The following TMEM232 variants were observed in gnomAD, a reference collection of about 807,000 sequenced individuals.
The protein encoded by TMEM232 is transmembrane protein 232.
Under a neutral mutation model 78.8 loss-of-function variants are expected in TMEM232, and 80 were observed. The observed-to-expected ratio is 1.01, with a 90% CI of 0.85 to 1.22. TMEM232 has a LOEUF of 1.22. Ranked by LOEUF, TMEM232 falls within the 50% of genes most tolerant of loss-of-function variation. TMEM232 has a pLI of 0.00. For missense variants in TMEM232, 881 were observed against 742.2 expected (o/e 1.19, Z -2.17); for synonymous variants, 297 against 254.3 (o/e 1.17, Z -1.60).
At chr5:110,723,424 A>G (rs540914005) in intron 1 of TMEM232, among the ~76,000 whole-genome samples, 258 of 152,296 alleles carry the variant, frequency 1.7e-3, no homozygotes, top group African/African-American at 5.8e-3. Context: ...AATATAATAA[A>G]TCATGGCTAC....
intron 12 of TMEM232, among the ~76,000 whole-genome samples, chr5:110,433,401 A>T (rs1758072126): frequency 6.6e-6 from 1 of 151,778 alleles, no homozygotes; most frequent in South Asian, 2.1e-4. Context: ...ATGAAATCAA[A>T]GTAGAAATAA....
intron 10 of TMEM232, among the ~76,000 whole-genome samples, chr5:110,581,485 C>A (rs1357082406): frequency 1.3e-5 from 2 of 151,830 alleles, no homozygotes; most frequent in Admixed American, 1.3e-4. Flanking sequence ...GAAACTGGGA[C>A]CCCTTCCTTA....
intron 12 of TMEM232, among the ~76,000 whole-genome samples, chr5:110,490,191 A>AAGAG (rs1218732258): frequency 6.7e-6 from 1 of 149,208 alleles, no homozygotes; most frequent in East Asian, 2.0e-4. Flanking sequence ...GAAAGAAAGA[A>AAGAG]AAAGTTAATT....
At chr5:110,426,001 T>C (rs534244989) in intron 12 of TMEM232, among the ~76,000 whole-genome samples, 2 of 152,196 alleles carry the variant, frequency 1.3e-5, no homozygotes, top group Non-Finnish European at 2.9e-5. Context: ...TTTCTTTCCT[T>C]TGCTTGCTTG....
intron 2 of TMEM232, among the ~76,000 whole-genome samples, chr5:110,398,839 A>G (rs1755487671): frequency 6.6e-6 from 1 of 152,136 alleles, no homozygotes; most frequent in Non-Finnish European, 1.5e-5. Context: ...CAAGAATATA[A>G]GCTATCTACT....
chr5:110,635,037 T>A (rs1027262548), intron 5 of TMEM232, among the ~76,000 whole-genome samples: 2 of 151,820 alleles, frequency 1.3e-5, no homozygotes, highest in Non-Finnish European at 2.9e-5. Context: ...GTACAAAAGA[T>A]CATCAGAGAC....
chr5:110,584,799 C>T (rs532420909), intron 10 of TMEM232, among the ~76,000 whole-genome samples: 7 of 152,132 alleles, frequency 4.6e-5, no homozygotes, highest in African/African-American at 1.7e-4. Flanking sequence ...AAGAAATTTA[C>T]AAGCACTTAG....
intron 2 of TMEM232, among the ~76,000 whole-genome samples, chr5:110,650,512 T>C (rs1788158644): frequency 6.6e-6 from 1 of 152,156 alleles, no homozygotes; most frequent in Non-Finnish European, 1.5e-5. Context: ...TGATTGTATG[T>C]ACCCCTGATG....
At chr5:110,453,198 C>T (rs780016823) in intron 12 of TMEM232, among the ~76,000 whole-genome samples, 30 of 152,162 alleles carry the variant, frequency 2.0e-4, no homozygotes, top group African/African-American at 2.7e-4. Context: ...CACAATTACT[C>T]GTTCCCTGTA....
chr5:110,692,795 T>C (rs1158986856), intron 1 of TMEM232, among the ~76,000 whole-genome samples: 2 of 152,098 alleles, frequency 1.3e-5, no homozygotes, highest in African/African-American at 4.8e-5. Flanking sequence ...GTAAACAAAG[T>C]GGCCAAGAAG....
At chr5:110,423,958 T>C (rs1756963209) in intron 13 of TMEM232, among the ~76,000 whole-genome samples, 1 of 152,176 alleles carries the variant, frequency 6.6e-6, no homozygotes, top group Non-Finnish European at 1.5e-5. Context: ...TATATTGGTT[T>C]AACAAAAACT....
intron 12 of TMEM232, among the ~76,000 whole-genome samples, chr5:110,465,341 A>G (rs1761960738): frequency 6.6e-6 from 1 of 152,130 alleles, no homozygotes; most frequent in Admixed American, 6.5e-5. Flanking sequence ...CATTCCATCA[A>G]TGTCATCTCT....
intron 5 of TMEM232, among the ~76,000 whole-genome samples, chr5:110,635,292 T>A (rs1785643433): frequency 1.3e-5 from 2 of 151,826 alleles, no homozygotes; most frequent in African/African-American, 4.8e-5. Flanking sequence ...CTCAAACTAT[T>A]CCCAAAAGTA....
intron 12 of TMEM232, among the ~76,000 whole-genome samples, chr5:110,521,167 C>A (rs975137196): frequency 6.6e-6 from 1 of 152,184 alleles, no homozygotes; most frequent in African/African-American, 2.4e-5. Flanking sequence ...CTTCAGGTGA[C>A]CTCTCATCCC....
intron 1 of TMEM232, among the ~76,000 whole-genome samples, chr5:110,712,214 A>G (rs887495526): frequency 1.3e-5 from 2 of 151,998 alleles, no homozygotes; most frequent in Non-Finnish European, 2.9e-5. Context: ...GTAATACCCC[A>G]TGAACACAGG....
At chr5:110,436,383 A>C (rs1297183080) in intron 12 of TMEM232, among the ~76,000 whole-genome samples, 1 of 151,830 alleles carries the variant, frequency 6.6e-6, no homozygotes, top group African/African-American at 2.4e-5. Flanking sequence ...TAGTTTGCAA[A>C]TATTTTTTCT....
intron 11 of TMEM232, among the ~76,000 whole-genome samples, chr5:110,543,770 G>C (rs1773449363): frequency 6.6e-6 from 1 of 152,100 alleles, no homozygotes; most frequent in Non-Finnish European, 1.5e-5. Flanking sequence ...AACCCAGGAA[G>C]ACTCTACCTA....
chr5:110,707,936 G>T (rs1796103165), intron 1 of TMEM232, among the ~76,000 whole-genome samples: 1 of 152,152 alleles, frequency 6.6e-6, no homozygotes, highest in African/African-American at 2.4e-5. Flanking sequence ...CTGCCTTGAA[G>T]GGAAGAACTC....
chr5:110,661,244 TTAGA>T (rs1484094679), intron 2 of TMEM232, among the ~76,000 whole-genome samples: 1 of 152,198 alleles, frequency 6.6e-6, no homozygotes, highest in African/African-American at 2.4e-5. Flanking sequence ...GCATGGACAC[TTAGA>T]TTGATTCCAT....
Sources: allele counts gnomAD v4.1 joint callset (sites outside exome capture counted in the v4.1 genomes callset), GRCh38; gene constraint gnomAD v4.1.1; transcripts MANE v1.5; gene names NCBI Gene and HGNC (gene_info 2026-07-23, HGNC 2026-07-21).